The following ADGRL2 variants were observed in gnomAD, a reference collection of about 807,000 sequenced individuals.
ADGRL2 encodes calcium-independent alpha-latrotoxin receptor 2.
ADGRL2 carries 44 observed loss-of-function variants against 157.4 expected under a neutral mutation model. The ratio of observed to expected loss-of-function variants is 0.28; its 90% CI spans 0.22 to 0.36. The LOEUF (loss-of-function observed/expected upper bound fraction) is 0.36, where lower values mean the gene tolerates loss of function less well. Ranked by LOEUF, ADGRL2 falls within the 10% of genes least tolerant of loss-of-function variation. ADGRL2 has a pLI of 1.00. For missense variants in ADGRL2, 1,510 were observed against 1,768.9 expected (o/e 0.85, Z 2.63); for synonymous variants, 585 against 624.7 (o/e 0.94, Z 0.95).
intron 2 of ADGRL2, among the ~76,000 whole-genome samples, chr1:81,507,272 A>C (rs555719466): frequency 6.6e-6 from 1 of 152,224 alleles, no homozygotes; most frequent in East Asian, 1.9e-4. Flanking sequence ...GCCCCTCAGC[A>C]CTTTCTCCTG....
chr1:81,422,900 T>A (rs2077150731), intron 1 of ADGRL2, among the ~76,000 whole-genome samples: 1 of 152,198 alleles, frequency 6.6e-6, no homozygotes, highest in Non-Finnish European at 1.5e-5. Flanking sequence ...GTATTTCAAA[T>A]CTATGCTGTG....
intron 2 of ADGRL2, among the ~76,000 whole-genome samples, chr1:81,889,084 C>G (rs2151384850): frequency 6.6e-6 from 1 of 152,234 alleles, no homozygotes; most frequent in Admixed American, 6.5e-5. Flanking sequence ...TCCCTATTCC[C>G]TGAGACACAA....
intron 2 of ADGRL2, among the ~76,000 whole-genome samples, chr1:81,555,873 C>T (rs186914567): frequency 2.0e-5 from 3 of 152,172 alleles, no homozygotes; most frequent in Non-Finnish European, 2.9e-5. Flanking sequence ...AGCTTTAGCC[C>T]CTTGTAGCTC....
chr1:81,541,230 G>A (rs1266176640), intron 2 of ADGRL2, among the ~76,000 whole-genome samples: 1 of 152,164 alleles, frequency 6.6e-6, no homozygotes. Flanking sequence ...TTATGTCTGT[G>A]TTGTATCCTG....
chr1:81,450,217 A>C (rs189866105), intron 2 of ADGRL2, among the ~76,000 whole-genome samples: 1 of 152,288 alleles, frequency 6.6e-6, no homozygotes, highest in Non-Finnish European at 1.5e-5. Context: ...TCTTATTAAT[A>C]ATCCAAAATT....
intron 1 of ADGRL2, among the ~76,000 whole-genome samples, chr1:81,831,163 C>A (rs1377663230): frequency 6.6e-6 from 1 of 152,078 alleles, no homozygotes; most frequent in Non-Finnish European, 1.5e-5. Flanking sequence ...ATTAAAGATA[C>A]ATTGCTAGTT....
At position 81,991,592 on chromosome 1, in the gene ADGRL2, C is replaced by T. The variant is rs899710237; in HGVS notation, c.*447C>T. The stretch of plus-strand genomic sequence containing the variant: ...CTGTACCTTACTATTCCTGACAAGA[C>T]TTGGAAAAGCAGGAGAGATATTCTG... On this transcript the variant is annotated 3_prime_UTR_variant, in exon 24 of 24. Coordinates refer to ENST00000686636, the MANE Select transcript of ADGRL2 (RefSeq NM_001366006.2). 1 of 154,808 alleles carries T rather than the reference C, an allele frequency of 6.5e-6. No individual in the cohort carries two copies. The highest frequency in any genetic ancestry group is 2.4e-5 in the African/African-American group (1 of 41,454). The allele number at this position is 154,808 out of a possible 1,614,324, so 9.6% of individuals were successfully genotyped here. A position where few individuals can be genotyped will look rare whatever the true frequency, so the allele number is the denominator to read the frequency against.
intron 3 of ADGRL2, among the ~76,000 whole-genome samples, chr1:81,649,710 C>T (rs1405037484): frequency 6.6e-6 from 1 of 152,170 alleles, no homozygotes; most frequent in Non-Finnish European, 1.5e-5. Flanking sequence ...GGGAGCTTTA[C>T]CATGGTTCCC....
At chr1:81,891,948 T>C (rs886809929) in intron 2 of ADGRL2, among the ~76,000 whole-genome samples, 3 of 146,000 alleles carry the variant, frequency 2.1e-5, no homozygotes, top group Non-Finnish European at 4.5e-5. Context: ...ACATAATAAG[T>C]GTGGCTAATA....
At chr1:81,326,487 A>G (rs1217874983) in intron 1 of ADGRL2, among the ~76,000 whole-genome samples, 1 of 152,256 alleles carries the variant, frequency 6.6e-6, no homozygotes. Context: ...GTCATATACT[A>G]ACTGTTTTAA....
chr1:81,964,466 T>C (rs573140370), intron 11 of ADGRL2, among the ~76,000 whole-genome samples: 10 of 152,250 alleles, frequency 6.6e-5, no homozygotes, highest in African/African-American at 2.2e-4. Context: ...GTAAAATAAG[T>C]GTATCAACCA....
chr1:81,739,562 A>T lies in ADGRL2; in HGVS notation c.-142-22249A>T, dbSNP rs541324569. On this transcript the variant is annotated intron_variant, in intron 1 of 20. Coordinates refer to the ADGRL2 transcript ENST00000359929. Reference sequence around the variant, plus strand: ...CATTATATAAGCTACTCTATTTTCTACCCCAGCCTTATCCTATGGTAGGCA... The same window carrying T: ...CATTATATAAGCTACTCTATTTTCTTCCCCAGCCTTATCCTATGGTAGGCA... Among the ~76,000 whole-genome samples, 358 of 152,282 alleles carry T rather than the reference A, an allele frequency of 2.4e-3. 1 individual carries two copies. Among genetic ancestry groups the T allele is most frequent in the African/African-American group, 8.2e-3 (341 of 41,568 alleles).
chr1:81,760,675 A>G (rs1232745938), intron 1 of ADGRL2, among the ~76,000 whole-genome samples: 1 of 151,916 alleles, frequency 6.6e-6, no homozygotes, highest in Non-Finnish European at 1.5e-5. Context: ...GAATTCAATA[A>G]TATCTAGAAC....
Position 81,353,875 on chromosome 1 carries a change from G to A in ADGRL2, c.-302+47366G>A, listed in dbSNP as rs35361257. Among the ~76,000 whole-genome samples, 16 of 152,290 alleles carry A rather than the reference G, an allele frequency of 1.1e-4. No homozygotes were observed. In the East Asian group the frequency reaches 1.7e-3, roughly 17 times the overall value. On this transcript the variant is annotated intron_variant, in intron 1 of 24. Transcript: ENST00000370721. ...GAGCTAAAGGTAAGTGAAATCATGCGAAAGGGCGACAGCGTCCCAGGTAAA... is the reference window on the plus strand; with the variant it reads ...GAGCTAAAGGTAAGTGAAATCATGCAAAAGGGCGACAGCGTCCCAGGTAAA...
intron 1 of ADGRL2, among the ~76,000 whole-genome samples, chr1:81,324,402 G>A (rs1660740457): frequency 6.6e-6 from 1 of 151,228 alleles, no homozygotes; most frequent in African/African-American, 2.4e-5. Flanking sequence ...CCAGCTATTC[G>A]GAAAGCTGAG....
intron 1 of ADGRL2, among the ~76,000 whole-genome samples, chr1:81,337,719 A>T (rs1324135126): frequency 6.6e-6 from 1 of 152,144 alleles, no homozygotes; most frequent in Non-Finnish European, 1.5e-5. Context: ...GGATTTGTAG[A>T]CAACCAAAAA....
intron 2 of ADGRL2, among the ~76,000 whole-genome samples, chr1:81,469,506 AT>A (rs796452559): frequency 4.9e-4 from 75 of 152,296 alleles, no homozygotes; most frequent in Middle Eastern, 3.4e-3. Context: ...ATCAACTGTT[AT>A]CCCTCTGAGT....
In ADGRL2 at chr1:81,990,947, C is replaced by G. The variant is rs1664494117; in HGVS notation, c.4212C>G (p.Leu1404=). Reference sequence around the variant, plus strand: ...GCAGCCCTGACATGGAAGAAGACCTCTCTCCCTCCAGGAGGAGTGAGAATG... The same window carrying G: ...GCAGCCCTGACATGGAAGAAGACCTGTCTCCCTCCAGGAGGAGTGAGAATG... ...PESSPDMEED[L]SPSRRSENED... Residue 1404 remains leucine (L), a synonymous_variant, in exon 24 of 24, where the codon CTC becomes CTG. Transcript: ENST00000686636. The G allele has an allele frequency of 6.2e-7, 1 of 1,613,688 alleles. No individual in the cohort carries two copies. The highest frequency in any genetic ancestry group is 1.7e-5 in the Admixed American group (1 of 59,984).
chr1:81,314,998 T>A (rs1241277161), intron 1 of ADGRL2, among the ~76,000 whole-genome samples: 1 of 152,334 alleles, frequency 6.6e-6, no homozygotes, highest in Admixed American at 6.5e-5. Flanking sequence ...CAACCATTTG[T>A]ATGCTGACTA....
Sources: allele counts gnomAD v4.1 joint callset (sites outside exome capture counted in the v4.1 genomes callset), GRCh38; gene constraint gnomAD v4.1.1; transcripts MANE v1.5; gene names NCBI Gene and HGNC (gene_info 2026-07-23, HGNC 2026-07-21).